Variants in KHDRBS2 observed in about 807,000 individuals in gnomAD.
KHDRBS2 encodes KH domain-containing, RNA-binding, signal transduction-associated protein 2.
Under a neutral mutation model 44.3 loss-of-function variants are expected in KHDRBS2, and 26 were observed. The ratio of observed to expected loss-of-function variants is 0.59; its 90% CI spans 0.43 to 0.81. The LOEUF is 0.81. KHDRBS2 is among the 40% of genes least tolerant of loss of function. The probability of loss-of-function intolerance (pLI) is 0.00; values close to 1 mark genes in which losing one functional copy is unlikely to be tolerated. For missense variants in KHDRBS2, 476 were observed against 433.1 expected, an observed-to-expected ratio of 1.10 and a Z score of -0.88; for synonymous variants, 194 against 151.1, an observed-to-expected ratio of 1.28 and a Z score of -2.08.
the KHDRBS2 span, among the ~76,000 whole-genome samples, chr6:61,588,832 AT>A: frequency 1.3e-5 from 2 of 152,130 alleles, no homozygotes; most frequent in Non-Finnish European, 2.9e-5. Context: ...GCCATCAATA[AT>A]AGACTCGATA....
intron 2 of KHDRBS2, among the ~76,000 whole-genome samples, chr6:62,111,202 A>C (rs1204543): frequency 0.17 from 25,882 of 151,980 alleles, 2,534 homozygotes; most frequent in African/African-American, 0.27. Context: ...GATAGATTTA[A>C]ATTTATGAAC....
intron 2 of KHDRBS2, among the ~76,000 whole-genome samples, chr6:62,108,865 A>G (rs1242750468): frequency 6.6e-6 from 1 of 152,136 alleles, no homozygotes; most frequent in Non-Finnish European, 1.5e-5. Context: ...CAAACACCGC[A>G]TGTTCTCACT....
intron 2 of KHDRBS2, among the ~76,000 whole-genome samples, chr6:62,153,810 T>C (rs2150107368): frequency 6.6e-6 from 1 of 152,254 alleles, no homozygotes; most frequent in East Asian, 1.9e-4. Flanking sequence ...CTAAGGGAGA[T>C]TCTTTGGCTC....
chr6:61,886,799 T>C (rs1302950915), intron 6 of KHDRBS2, among the ~76,000 whole-genome samples: 1 of 152,184 alleles, frequency 6.6e-6, no homozygotes, highest in East Asian at 1.9e-4. Flanking sequence ...GTTGGACTAA[T>C]GCTATCTCTC....
the KHDRBS2 span, among the ~76,000 whole-genome samples, chr6:61,664,569 C>G: frequency 6.6e-6 from 1 of 151,656 alleles, no homozygotes; most frequent in African/African-American, 2.4e-5. Context: ...CCATCTTCTC[C>G]TTCCTGTACT....
intron 6 of KHDRBS2, among the ~76,000 whole-genome samples, chr6:61,859,329 G>GTAAAAATCATGT (rs1796584494): frequency 6.6e-6 from 1 of 151,728 alleles, no homozygotes; most frequent in South Asian, 2.1e-4. Flanking sequence ...CACAAGAAAG[G>GTAAAAATCATGT]TAAAAATCAT....
At chr6:62,006,263 G>T (rs1584107456) in intron 3 of KHDRBS2, among the ~76,000 whole-genome samples, 1 of 151,840 alleles carries the variant, frequency 6.6e-6, no homozygotes. Context: ...AAGACAAAAA[G>T]AAATGTAGTA....
At chr6:61,543,759 C>T in the KHDRBS2 span, among the ~76,000 whole-genome samples, 2 of 152,060 alleles carry the variant, frequency 1.3e-5, no homozygotes, top group South Asian at 4.1e-4. Context: ...CAATGGAGTA[C>T]TATTCAGCTA....
At chr6:61,586,161 G>A in the KHDRBS2 span, among the ~76,000 whole-genome samples, 4 of 152,132 alleles carry the variant, frequency 2.6e-5, no homozygotes, top group Non-Finnish European at 5.9e-5. Context: ...TATTTGCTAA[G>A]CCAGTTTGCT....
intron 2 of KHDRBS2, among the ~76,000 whole-genome samples, chr6:62,159,866 T>C (rs1817264036): frequency 6.6e-6 from 1 of 152,148 alleles, no homozygotes; most frequent in African/African-American, 2.4e-5. Flanking sequence ...TTCATCCTCA[T>C]TGTCTTCATA....
chr6:62,052,723 G>C (rs573437268), intron 2 of KHDRBS2, among the ~76,000 whole-genome samples: 2 of 152,118 alleles, frequency 1.3e-5, no homozygotes, highest in South Asian at 4.1e-4. Flanking sequence ...AACCCAGATC[G>C]CTTGCATGTG....
intron 6 of KHDRBS2, among the ~76,000 whole-genome samples, chr6:61,751,424 C>T (rs1189453166): frequency 1.3e-5 from 2 of 152,130 alleles, no homozygotes; most frequent in African/African-American, 4.8e-5. Context: ...TCAGGGGTCA[C>T]ACACAGAACA....
chr6:61,683,544 A>C (rs1294236547), intron 8 of KHDRBS2, among the ~76,000 whole-genome samples: 1 of 151,902 alleles, frequency 6.6e-6, no homozygotes, highest in Admixed American at 6.6e-5. Flanking sequence ...ATAATTCAAA[A>C]AACAGAAACA....
chr6:62,158,007 T>A (rs1021587424), intron 2 of KHDRBS2, among the ~76,000 whole-genome samples: 1 of 152,198 alleles, frequency 6.6e-6, no homozygotes, highest in African/African-American at 2.4e-5. Flanking sequence ...CAGGTAATAA[T>A]ATAAATCTCA....
intron 6 of KHDRBS2, among the ~76,000 whole-genome samples, chr6:61,790,466 C>A (rs1231721637): frequency 4.0e-5 from 6 of 149,348 alleles, no homozygotes; most frequent in Admixed American, 2.7e-4. Flanking sequence ...AAGAATAATT[C>A]TTTAATGGCA....
chr6:61,937,832 C>T (rs1441765903), intron 4 of KHDRBS2, among the ~76,000 whole-genome samples: 2 of 151,978 alleles, frequency 1.3e-5, no homozygotes, highest in African/African-American at 4.8e-5. Flanking sequence ...AGCTTTATAC[C>T]CATGAGTTAC....
chr6:62,092,751 G>A (rs545381283), intron 2 of KHDRBS2, among the ~76,000 whole-genome samples: 9 of 152,172 alleles, frequency 5.9e-5, no homozygotes, highest in Middle Eastern at 3.4e-3. Flanking sequence ...ACAATGAAAG[G>A]GCAAGGTAAT....
At chr6:62,173,721 A>T (rs1225517873) in intron 2 of KHDRBS2, among the ~76,000 whole-genome samples, 1 of 152,014 alleles carries the variant, frequency 6.6e-6, no homozygotes, top group Non-Finnish European at 1.5e-5. Context: ...AATATTCCAC[A>T]ATCAGGTAGG....
chr6:61,859,102 T>C (rs1796548479), intron 6 of KHDRBS2, among the ~76,000 whole-genome samples: 1 of 151,762 alleles, frequency 6.6e-6, no homozygotes, highest in Non-Finnish European at 1.5e-5. Context: ...TTTAAAACTA[T>C]ATAAGTACTA....
Sources: gnomAD v4.1 joint callset for allele counts (sites outside exome capture counted in the v4.1 genomes callset) on GRCh38, gnomAD v4.1.1 for gene constraint, MANE v1.5 for transcripts, NCBI Gene and HGNC (gene_info 2026-07-23, HGNC 2026-07-21) for gene names.